Variants in MSR1 observed in about 807,000 individuals in gnomAD.
The protein encoded by MSR1 is macrophage scavenger receptor types I and II.
MSR1 carries 53 observed loss-of-function variants against 47.2 expected under a neutral mutation model. That is an observed-to-expected ratio of 1.12 (90% CI 0.90 to 1.41). The LOEUF (loss-of-function observed/expected upper bound fraction) is 1.41, where lower values mean the gene tolerates loss of function less well. Ranked by LOEUF, MSR1 falls within the 40% of genes most tolerant of loss-of-function variation. The pLI, the probability that MSR1 is intolerant of heterozygous loss-of-function variation, is 0.00. For synonymous variants in MSR1, 239 were observed against 185.6 expected, an observed-to-expected ratio of 1.29 and a Z score of -2.34; for missense variants, 786 against 546.9, an observed-to-expected ratio of 1.44 and a Z score of -4.36.
chr8:16,122,758 C>CA (rs1481973032), intron 8 of MSR1, among the ~76,000 whole-genome samples: 2 of 151,388 alleles, frequency 1.3e-5, no homozygotes, highest in Admixed American at 1.3e-4. Context: ...TCATTTATTG[C>CA]AAAGGGAATG....
chr8:16,109,021 C>T lies in MSR1; in HGVS notation c.*1064G>A, dbSNP rs1799695545. The T allele has an allele frequency of 1.3e-5, 2 of 152,016 alleles. No homozygotes were observed. The highest frequency in any genetic ancestry group is 4.2e-4 in the South Asian group (2 of 4,816). 9.4% of individuals were successfully genotyped at this position (152,016 alleles called of 1,614,324 possible). On this transcript the variant is annotated 3_prime_UTR_variant, in exon 10 of 10. Coordinates refer to ENST00000262101, the MANE Select transcript of MSR1 (RefSeq NM_138715.3). ...CTGCTGGTCTTTCTGCAGGCAGTCA[C>T]TTTCAGGGTAGAATTACTGGGTTTC...
Position 16,107,889 on chromosome 8 carries a change from T to TG in MSR1, c.*2195dup, listed in dbSNP as rs34581646. 1.4e-3 allele frequency: 202 copies of TG among 149,316 alleles called. 1 individual carries two copies. Among genetic ancestry groups the TG allele is most frequent in the African/African-American group, 4.7e-3 (186 of 39,892 alleles). 9.2% of individuals were successfully genotyped at this position (149,316 alleles called of 1,614,324 possible). Reference sequence around the variant, plus strand: ...TCAAAAAAACCAAATCGCAAATTTCTGTTTTTTTTAATGGAACAAATGCAA... The same window carrying TG: ...TCAAAAAAACCAAATCGCAAATTTCTGGTTTTTTTTAATGGAACAAATGCAA... On this transcript the variant is annotated 3_prime_UTR_variant, in exon 10 of 10. Transcript: ENST00000262101.
chr8:16,185,529 T>C (rs1484396165), intron 1 of MSR1, among the ~76,000 whole-genome samples: 1 of 152,154 alleles, frequency 6.6e-6, no homozygotes, highest in African/African-American at 2.4e-5. Context: ...GTTAGGAATA[T>C]GCCGGCAAAG....
At chr8:16,156,715 TC>T (rs1024218914) in intron 5 of MSR1, among the ~76,000 whole-genome samples, 1 of 151,734 alleles carries the variant, frequency 6.6e-6, no homozygotes, top group African/African-American at 2.4e-5. Flanking sequence ...ATTTTTTTTT[TC>T]CACATAATCG....
intron 7 of MSR1, among the ~76,000 whole-genome samples, chr8:16,145,718 AAC>A (rs1188718757): frequency 1.1e-4 from 17 of 152,250 alleles, no homozygotes; most frequent in African/African-American, 4.1e-4. Flanking sequence ...CTTATAAAAA[AAC>A]AAACAAATGT....
intron 9 of MSR1, among the ~76,000 whole-genome samples, chr8:16,118,604 A>C (rs1799929114): frequency 6.6e-6 from 1 of 151,998 alleles, no homozygotes; most frequent in Non-Finnish European, 1.5e-5. Context: ...ACTTGAACCC[A>C]GGAGGCAGAG....
chr8:16,172,606 G>A (rs1439090274), intron 3 of MSR1, among the ~76,000 whole-genome samples: 1 of 151,900 alleles, frequency 6.6e-6, no homozygotes. Flanking sequence ...TTTCATATTG[G>A]AATTATCTTT....
rs1799928080 is a variant in MSR1 at position 16,118,557 on chromosome 8, T to C, written c.1222+1861A>G. ...AGCCAGGTGTGATGGTGCATGCTGG[T>C]AGTCGCAGCTTCTCAGGAGGCTGAG... On this transcript the variant is annotated intron_variant, in intron 9 of 9. Transcript: ENST00000262101. Among the ~76,000 whole-genome samples, 4 of 152,162 alleles carry C rather than the reference T, an allele frequency of 2.6e-5. No homozygotes were observed. The South Asian group carries it at 8.3e-4, about 32-fold the overall frequency.
chr8:16,153,112 T>G (rs932993806), intron 6 of MSR1, among the ~76,000 whole-genome samples: 1 of 152,068 alleles, frequency 6.6e-6, no homozygotes, highest in Non-Finnish European at 1.5e-5. Context: ...GATATTCGCA[T>G]CATGATTGTG....
intron 5 of MSR1, among the ~76,000 whole-genome samples, chr8:16,162,458 T>C (rs923340215): frequency 6.6e-6 from 1 of 152,048 alleles, no homozygotes; most frequent in Non-Finnish European, 1.5e-5. Context: ...CGGAGAACAA[T>C]TGGTAAATTC....
At chr8:16,142,507 C>G (rs1048994058) in intron 8 of MSR1, among the ~76,000 whole-genome samples, 4 of 152,148 alleles carry the variant, frequency 2.6e-5, no homozygotes, top group Admixed American at 6.6e-5. Flanking sequence ...ACACAATACT[C>G]TGTTGTACTT....
intron 1 of MSR1, among the ~76,000 whole-genome samples, chr8:16,178,421 A>G (rs964369267): frequency 7.9e-5 from 12 of 152,284 alleles, no homozygotes; most frequent in African/African-American, 2.4e-4. Context: ...ATGTCCCTAC[A>G]AAGGACATAA....
At chr8:16,112,481 A>C (rs1799779524) in intron 9 of MSR1, among the ~76,000 whole-genome samples, 1 of 152,076 alleles carries the variant, frequency 6.6e-6, no homozygotes, top group African/African-American at 2.4e-5. Context: ...TAATTTCCAA[A>C]GATTTGTTGT....
intron 3 of MSR1, 115 bp downstream of exon 3, chr8:16,175,072 C>T (rs1013036329): frequency 3.7e-6 from 3 of 809,142 alleles, no homozygotes; most frequent in Non-Finnish European, 6.3e-6. Context: ...CTTTGTAATG[C>T]AGTATTTTCT....
chr8:16,163,820 T>C (rs866039306), intron 5 of MSR1, among the ~76,000 whole-genome samples: 9 of 151,890 alleles, frequency 5.9e-5, no homozygotes, highest in Admixed American at 3.3e-4. Flanking sequence ...TTTTTAACAA[T>C]GAGAAAATCA....
At chr8:16,119,086 G>A (rs980211968) in intron 9 of MSR1, among the ~76,000 whole-genome samples, 1 of 151,988 alleles carries the variant, frequency 6.6e-6, no homozygotes, top group Non-Finnish European at 1.5e-5. Context: ...TACGGCCAGG[G>A]GCTGAAACTG....
intron 5 of MSR1, among the ~76,000 whole-genome samples, chr8:16,159,261 A>C (rs1316469722): frequency 6.6e-6 from 1 of 151,914 alleles, no homozygotes; most frequent in Non-Finnish European, 1.5e-5. Context: ...TTCCAAATAA[A>C]CAAAATGTTA....
intron 4 of MSR1, among the ~76,000 whole-genome samples, chr8:16,166,233 T>C (rs1185482039): frequency 6.9e-6 from 1 of 144,408 alleles, no homozygotes; most frequent in Non-Finnish European, 1.5e-5. Context: ...TGCAATGGCA[T>C]GATCTCGGCT....
Position 16,131,441 on chromosome 8 carries a change from G to GTTTTT in MSR1, c.1034-10840_1034-10836dup, listed in dbSNP as rs56321577. On this transcript the variant is annotated intron_variant, in intron 8 of 9. Coordinates refer to ENST00000262101, the MANE Select transcript of MSR1 (RefSeq NM_138715.3). The stretch of plus-strand genomic sequence containing the variant: ...TATGTATCTGTTTACTCTGTTGATA[G>GTTTTT]TTTTTTTTTTTTTTTTTTTTTTTTG... 7.7e-3 allele frequency among the ~76,000 whole-genome samples: 423 copies of GTTTTT among 54,662 alleles called. 3 individuals are homozygous for GTTTTT. Among genetic ancestry groups the GTTTTT allele is most frequent in the East Asian group, 0.011 (20 of 1,840 alleles). The allele number at this position is 54,662 out of a possible 152,430, so 35.9% of individuals were successfully genotyped here.
Sources: allele counts gnomAD v4.1 joint callset (sites outside exome capture counted in the v4.1 genomes callset), GRCh38; gene constraint gnomAD v4.1.1; transcripts MANE v1.5; gene names NCBI Gene and HGNC (gene_info 2026-07-23, HGNC 2026-07-21).